CDKAL1: variants seen among roughly 807,000 people sequenced by gnomAD.
CDKAL1 encodes CDKAL1 threonylcarbamoyladenosine tRNA methylthiotransferase.
A neutral mutation model predicts 68.2 loss-of-function variants in CDKAL1; 32 were observed. The observed-to-expected ratio is 0.47, with a 90% CI of 0.35 to 0.63. CDKAL1 has a LOEUF of 0.63. Ranked by LOEUF, CDKAL1 falls within the 30% of genes least tolerant of loss-of-function variation. The probability of loss-of-function intolerance (pLI) is 0.00; values close to 1 mark genes in which losing one functional copy is unlikely to be tolerated. For missense variants in CDKAL1, 606 were observed against 696.7 expected, an observed-to-expected ratio of 0.87 and a Z score of 1.47; for synonymous variants, 234 against 244.3, an observed-to-expected ratio of 0.96 and a Z score of 0.39.
chr6:20,736,031 G>C (rs980266007), intron 5 of CDKAL1, among the ~76,000 whole-genome samples: 1 of 152,094 alleles, frequency 6.6e-6, no homozygotes, highest in Admixed American at 6.5e-5. Context: ...GAGATTTGAT[G>C]GGCATTGCTA....
intron 11 of CDKAL1, among the ~76,000 whole-genome samples, chr6:21,043,098 G>C (rs989747379): frequency 1.3e-5 from 2 of 152,230 alleles, no homozygotes; most frequent in East Asian, 1.9e-4. Context: ...ACAACTACCA[G>C]TTCTACTGCT....
rs1311689630 is a variant in CDKAL1 at position 20,786,794 on chromosome 6, CTTGACTCCCTTAT to C, written c.638+5532_638+5544del. Among the ~76,000 whole-genome samples, 6 of 152,070 alleles carry C rather than the reference CTTGACTCCCTTAT, an allele frequency of 3.9e-5. No individual in the cohort carries two copies. The East Asian group carries it at 1.2e-3, about 29-fold the overall frequency. On this transcript the variant is annotated intron_variant, in intron 8 of 15. Transcript: ENST00000274695. ...TTACAGGTGAGCCACCGCTCCCGGC[CTTGACTCCCTTAT>C]TTTTTCTAGCAGTGGGAATACGGTG...
At chr6:20,592,973 A>G (rs1581782170) in intron 4 of CDKAL1, among the ~76,000 whole-genome samples, 1 of 152,158 alleles carries the variant, frequency 6.6e-6, no homozygotes. Context: ...GATTACATCT[A>G]TTGATTTGCG....
intron 8 of CDKAL1, among the ~76,000 whole-genome samples, chr6:20,799,040 G>GTTTGTTTTTTTT (rs1776242945): frequency 2.1e-5 from 1 of 47,482 alleles, no homozygotes; most frequent in Non-Finnish European, 3.6e-5. Context: ...AAAGAACTGA[G>GTTTGTTTTTTTT]TTTTTTTTTT....
At chr6:20,912,743 A>G (rs1009797136) in intron 9 of CDKAL1, among the ~76,000 whole-genome samples, 1 of 152,192 alleles carries the variant, frequency 6.6e-6, no homozygotes, top group Non-Finnish European at 1.5e-5. Flanking sequence ...ATATGCCTGA[A>G]CATATTTTTT....
chr6:20,591,425 G>C (rs1459731548), intron 4 of CDKAL1, among the ~76,000 whole-genome samples: 1 of 152,100 alleles, frequency 6.6e-6, no homozygotes, highest in Non-Finnish European at 1.5e-5. Flanking sequence ...TGAAGTCTTT[G>C]CCCATTCCTG....
At chr6:20,857,984 C>T (rs1226080091) in intron 9 of CDKAL1, among the ~76,000 whole-genome samples, 1 of 152,132 alleles carries the variant, frequency 6.6e-6, no homozygotes, top group Non-Finnish European at 1.5e-5. Context: ...CTCAGTCTCT[C>T]GAGTAACTGG....
intron 10 of CDKAL1, among the ~76,000 whole-genome samples, chr6:20,964,150 CAA>C (rs1393273391): frequency 6.6e-6 from 1 of 151,928 alleles, no homozygotes; most frequent in African/African-American, 2.4e-5. Context: ...ATTAAAAAGT[CAA>C]AAAATAACAG....
intron 10 of CDKAL1, 119 bp from the exon 11 acceptor site, chr6:21,000,108 G>T (rs916324636): frequency 3.0e-6 from 2 of 675,070 alleles, no homozygotes; most frequent in Non-Finnish European, 5.0e-6. Context: ...TAAGAGCCTT[G>T]ATGATTGGTC....
At chr6:20,938,330 A>T (rs1189147613) in intron 9 of CDKAL1, among the ~76,000 whole-genome samples, 1 of 152,118 alleles carries the variant, frequency 6.6e-6, no homozygotes, top group Non-Finnish European at 1.5e-5. Context: ...AAATCCTGGA[A>T]TCACCCATTT....
At chr6:21,143,576 A>G (rs1776026541) in intron 13 of CDKAL1, among the ~76,000 whole-genome samples, 1 of 152,034 alleles carries the variant, frequency 6.6e-6, no homozygotes, top group African/African-American at 2.4e-5. Context: ...TCAGGCTTTT[A>G]TTTTTTAGGT....
intron 10 of CDKAL1, among the ~76,000 whole-genome samples, chr6:20,960,375 A>T (rs1764996759): frequency 6.6e-6 from 1 of 152,172 alleles, no homozygotes; most frequent in Non-Finnish European, 1.5e-5. Flanking sequence ...ACTGGTTTCT[A>T]ATCTATTCTA....
intron 4 of CDKAL1, among the ~76,000 whole-genome samples, chr6:20,613,085 C>T (rs1766702772): frequency 6.6e-6 from 1 of 150,408 alleles, no homozygotes; most frequent in African/African-American, 2.4e-5. Context: ...CACACACACA[C>T]ATATATATAT....
intron 10 of CDKAL1, among the ~76,000 whole-genome samples, chr6:20,982,756 C>G (rs1766225132): frequency 1.3e-5 from 2 of 151,806 alleles, no homozygotes; most frequent in Non-Finnish European, 2.9e-5. Context: ...TTGTAGAGAC[C>G]ACAGACTGCC....
chr6:20,650,729 T>C (rs190980411), intron 5 of CDKAL1, among the ~76,000 whole-genome samples: 1 of 152,188 alleles, frequency 6.6e-6, no homozygotes, highest in Admixed American at 6.5e-5. Context: ...TTAATTTTTG[T>C]ATAAGGTATA....
At chr6:20,827,304 G>A (rs1777540774) in intron 8 of CDKAL1, among the ~76,000 whole-genome samples, 2 of 152,100 alleles carry the variant, frequency 1.3e-5, no homozygotes, top group African/African-American at 2.4e-5. Context: ...ACATGGGGCA[G>A]TTTTCAGTAT....
intron 5 of CDKAL1, among the ~76,000 whole-genome samples, chr6:20,682,458 G>A (rs1770422307): frequency 6.6e-6 from 1 of 152,140 alleles, no homozygotes; most frequent in South Asian, 2.1e-4. Flanking sequence ...GAGGCCTTAG[G>A]AAACTTACAA....
chr6:21,081,372 A>G lies in CDKAL1; in HGVS notation c.1236+16144A>G, dbSNP rs1772389570. 2.0e-5 allele frequency among the ~76,000 whole-genome samples: 3 copies of G among 152,116 alleles called. No individual in the cohort carries two copies. In the South Asian group the frequency reaches 6.2e-4, roughly 32 times the overall value. On this transcript the variant is annotated intron_variant, in intron 12 of 15. Coordinates refer to ENST00000274695, the MANE Select transcript of CDKAL1 (RefSeq NM_017774.3). ...CAGTCTAACTTTTTCTCCAGTGGTG[A>G]TTACATACCTTGTTTTATACAAGTT...
At chr6:20,747,460 C>T (rs1467727710) in intron 6 of CDKAL1, among the ~76,000 whole-genome samples, 2 of 152,088 alleles carry the variant, frequency 1.3e-5, no homozygotes, top group African/African-American at 2.4e-5. Context: ...CAGTGCATAA[C>T]GGTTCTCTCT....
Sources: gnomAD v4.1 joint callset for allele counts (sites outside exome capture counted in the v4.1 genomes callset) on GRCh38, gnomAD v4.1.1 for gene constraint, MANE v1.5 for transcripts, NCBI Gene and HGNC (gene_info 2026-07-23, HGNC 2026-07-21) for gene names.